Variants in CDK13 observed in about 807,000 individuals in gnomAD.
CDK13 encodes the protein cyclin dependent kinase 13, also known as cyclin-dependent kinase 13.
In CDK13, 40 loss-of-function variants were observed where a neutral mutation model predicts 137.6. The observed-to-expected ratio is 0.29, with a 90% CI of 0.23 to 0.38. The LOEUF is 0.38. CDK13 is among the 10% of genes least tolerant of loss of function. CDK13 has a pLI of 1.00. For synonymous variants in CDK13, 869 were observed against 760.1 expected (o/e 1.14, Z -2.36); for missense variants, 1,704 against 1,951.8 (o/e 0.87, Z 2.39).
intron 2 of CDK13, among the ~76,000 whole-genome samples, chr7:39,995,949 G>A (rs1248946602): frequency 6.6e-6 from 1 of 152,188 alleles, no homozygotes; most frequent in East Asian, 1.9e-4. Flanking sequence ...GATGGAGGTT[G>A]CACTCCGTCT....
At chr7:40,011,665 T>A (rs1033252786) in intron 5 of CDK13, among the ~76,000 whole-genome samples, 2 of 152,052 alleles carry the variant, frequency 1.3e-5, no homozygotes, top group Non-Finnish European at 2.9e-5. Flanking sequence ...ATGTAAGCAC[T>A]AAAACCATAA....
At chr7:40,008,672 T>G (rs945646961) in intron 5 of CDK13, among the ~76,000 whole-genome samples, 1 of 152,190 alleles carries the variant, frequency 6.6e-6, no homozygotes, top group Non-Finnish European at 1.5e-5. Context: ...AACTGTAAAC[T>G]ATGTATCTTT....
chr7:40,005,845 C>T (rs2116345299), intron 5 of CDK13, among the ~76,000 whole-genome samples: 1 of 152,250 alleles, frequency 6.6e-6, no homozygotes, highest in Non-Finnish European at 1.5e-5. Context: ...CCTCAGCCTC[C>T]CAAGTAGCTG....
chr7:40,078,418 G>GA lies in CDK13; in HGVS notation c.2898-296dup, dbSNP rs1584077942. Reference sequence around the variant, plus strand: ...GAGCTCAAGTTTTCATTTTGCTTTAGAAAAAACTATACTGTTCAGTTCTTA... The same window carrying GA: ...GAGCTCAAGTTTTCATTTTGCTTTAGAAAAAAACTATACTGTTCAGTTCTTA... On this transcript the variant is annotated intron_variant, in intron 10 of 13. Transcript: ENST00000181839. The GA allele has an allele frequency of 3.8e-5, 11 of 286,220 alleles. No individual in the cohort carries two copies. The East Asian group carries it at 6.5e-4, about 17-fold the overall frequency. 17.7% of individuals were successfully genotyped at this position (286,220 alleles called of 1,614,324 possible).
intron 1 of CDK13, among the ~76,000 whole-genome samples, chr7:39,953,328 A>G (rs910886916): frequency 4.6e-5 from 7 of 152,216 alleles, no homozygotes; most frequent in Admixed American, 2.0e-4. Context: ...GTTACTTTTA[A>G]CTATAATACT....
chr7:40,005,499 G>C (rs1358554362), intron 5 of CDK13, among the ~76,000 whole-genome samples: 3 of 152,022 alleles, frequency 2.0e-5, no homozygotes, highest in Non-Finnish European at 2.9e-5. Context: ...GTTTCGCTAT[G>C]TTGGCCAGGC....
intron 5 of CDK13, among the ~76,000 whole-genome samples, chr7:40,011,224 AT>A (rs1784887241): frequency 6.6e-6 from 1 of 152,184 alleles, no homozygotes; most frequent in African/African-American, 2.4e-5. Context: ...ACAATTTTCA[AT>A]TTTAAATCTT....
intron 10 of CDK13, 28 bp downstream of exon 10, chr7:40,078,149 A>C: frequency 9.7e-7 from 1 of 1,032,266 alleles, no homozygotes; most frequent in Non-Finnish European, 1.5e-6. Context: ...AAACATCCTT[A>C]TTGCATGAAT....
chr7:40,070,066 CAAAAAAAAAAAAAA>C (rs70996878), intron 9 of CDK13: 1 of 44,768 alleles, frequency 2.2e-5, no homozygotes, highest in Non-Finnish European at 3.8e-5. Flanking sequence ...ACCAAAACTA[CAAAAAAAAAAAAAA>C]AAAAAAAAAA....
intron 5 of CDK13, among the ~76,000 whole-genome samples, chr7:40,009,733 A>C (rs1453140537): frequency 6.6e-6 from 1 of 152,214 alleles, no homozygotes; most frequent in African/African-American, 2.4e-5. Context: ...TTATACTCCC[A>C]AATCCAGGGT....
chr7:40,047,007 G>A (rs556914608), intron 6 of CDK13, among the ~76,000 whole-genome samples: 23 of 100,114 alleles, frequency 2.3e-4, no homozygotes, highest in South Asian at 3.2e-4. Flanking sequence ...AGCAAGACTC[G>A]GTCTCAAAAA....
In CDK13 at chr7:39,950,488, G is replaced by T. The variant is rs1787110387; in HGVS notation, c.-154G>T. ...ACTGTGACCTGGAACCCAGGGACCC[G>T]AGTCCCGACCCGGATTATCGTGGCG... is the stretch of plus-strand genomic sequence containing the variant. On this transcript the variant is annotated 5_prime_UTR_variant, in exon 1 of 14. Transcript: ENST00000181839. 1 of 1,259,906 alleles carries T rather than the reference G, an allele frequency of 7.9e-7. No individual in the cohort carries two copies. The highest frequency in any genetic ancestry group is 4.2e-5 in the Admixed American group (1 of 23,722). The allele number at this position is 1,259,906 out of a possible 1,614,324, so 78.0% of individuals were successfully genotyped here.
intron 1 of CDK13, among the ~76,000 whole-genome samples, chr7:39,972,040 G>C (rs1784011051): frequency 6.6e-6 from 1 of 152,202 alleles, no homozygotes; most frequent in Non-Finnish European, 1.5e-5. Context: ...GTCAAGTACT[G>C]AGCTCCCTTC....
intron 7 of CDK13, chr7:40,048,997 A>G (rs1584037482): frequency 1.3e-5 from 2 of 151,024 alleles, no homozygotes; most frequent in Admixed American, 1.3e-4. Context: ...GAGGGTCAGC[A>G]CTTGGAGACC....
chr7:39,951,518 T>C lies in CDK13; in HGVS notation c.877T>C (p.Tyr293His), dbSNP rs760161568. The change falls in exon 1 of 14, where the codon TAC becomes CAC. Residue 293 changes from tyrosine (Y) to histidine (H), a missense_variant. Transcript: ENST00000181839. The stretch of plus-strand genomic sequence containing the variant: ...GTCGTCCAAGGAGCCGCCTTCGGCC[T>C]ACAAGGAACCGCCCAAGGCCTACCG... ...TKSSKEPPSA[Y>H]KEPPKAYRED... 6.5e-7 allele frequency: 1 copy of C among 1,534,228 alleles called. No individual in the cohort carries two copies. Among genetic ancestry groups the C allele is most frequent in the South Asian group, 1.2e-5 (1 of 82,214 alleles).
chr7:40,049,412 T>C (rs1785829757), intron 7 of CDK13, among the ~76,000 whole-genome samples: 1 of 151,544 alleles, frequency 6.6e-6, no homozygotes, highest in African/African-American at 2.4e-5. Flanking sequence ...TGAGTGTTTT[T>C]TTTTTTTTGA....
chr7:39,996,862 C>T (rs1005807023), intron 2 of CDK13, among the ~76,000 whole-genome samples: 5 of 143,678 alleles, frequency 3.5e-5, no homozygotes, highest in African/African-American at 1.3e-4. Context: ...ATTTGGGAGG[C>T]TTGAGACAAG....
rs1787326907 is a variant in CDK13, at chr7:39,954,041, T to A, written c.1211+2189T>A. 2.0e-5 allele frequency among the ~76,000 whole-genome samples: 3 copies of A among 152,242 alleles called. No individual in the cohort carries two copies. In the South Asian group the frequency reaches 6.2e-4, roughly 32 times the overall value. On this transcript the variant is annotated intron_variant, in intron 1 of 13. Coordinates refer to ENST00000181839, the MANE Select transcript of CDK13 (RefSeq NM_003718.5). ...CGTTGAATTATTCAATATCCCAAAT[T>A]GTTAGAATTCTTCATATTGTGACCA...
chr7:39,972,592 T>C (rs1784023359), intron 1 of CDK13, among the ~76,000 whole-genome samples: 2 of 152,242 alleles, frequency 1.3e-5, no homozygotes, highest in South Asian at 4.1e-4. Flanking sequence ...CTTTTATGGC[T>C]GGATTCTTTC....
Sources: allele counts gnomAD v4.1 joint callset (sites outside exome capture counted in the v4.1 genomes callset), GRCh38; gene constraint gnomAD v4.1.1; transcripts MANE v1.5; gene names NCBI Gene and HGNC (gene_info 2026-07-23, HGNC 2026-07-21).